The following LIPI variants were observed in gnomAD, a reference collection of about 807,000 sequenced individuals.
LIPI encodes lipase member I.
Under a neutral mutation model 50.6 loss-of-function variants are expected in LIPI, and 59 were observed. The observed-to-expected ratio is 1.16, with a 90% CI of 0.94 to 1.45. The LOEUF (loss-of-function observed/expected upper bound fraction) is 1.45, where lower values mean the gene tolerates loss of function less well. Ranked by LOEUF, LIPI falls within the 40% of genes most tolerant of loss-of-function variation. LIPI has a pLI of 0.00. For synonymous variants in LIPI, 203 were observed against 178.2 expected (o/e 1.14, Z -1.11); for missense variants, 586 against 536.3 (o/e 1.09, Z -0.92).
chr21:14,131,849 A>T (rs2017306981), intron 9 of LIPI, among the ~76,000 whole-genome samples: 1 of 152,202 alleles, frequency 6.6e-6, no homozygotes, highest in South Asian at 2.1e-4. Flanking sequence ...TGAGAAATTT[A>T]CAAAGTTTCT....
At chr21:14,124,908 T>C (rs796234878) in intron 9 of LIPI, among the ~76,000 whole-genome samples, 6 of 152,230 alleles carry the variant, frequency 3.9e-5, no homozygotes, top group African/African-American at 1.4e-4. Flanking sequence ...GGCAGGAGAA[T>C]TGCTTGAACC....
At chr21:14,167,089 C>A (rs1031581202) in intron 4 of LIPI, among the ~76,000 whole-genome samples, 9 of 152,178 alleles carry the variant, frequency 5.9e-5, no homozygotes, top group Non-Finnish European at 1.3e-4. Flanking sequence ...GGGTCCTACG[C>A]CCACGGAGTC....
In LIPI at chr21:14,178,559, T is replaced by C. The variant is rs574981539; in HGVS notation, c.643+3199A>G. 5.3e-5 allele frequency among the ~76,000 whole-genome samples: 8 copies of C among 152,320 alleles called. No homozygotes were observed. In the East Asian group the frequency reaches 1.5e-3, roughly 29 times the overall value. On this transcript the variant is annotated intron_variant, in intron 4 of 9. Coordinates refer to ENST00000681601, the MANE Select transcript of LIPI (RefSeq NM_001302998.2). ...CATTATTTTTGTCAAATATAATTGA[T>C]AAATTTATACTTACTAATTTTTTGT... is the stretch of plus-strand genomic sequence containing the variant.
At chr21:14,201,512 C>T (rs945573940) in intron 1 of LIPI, among the ~76,000 whole-genome samples, 1 of 151,950 alleles carries the variant, frequency 6.6e-6, no homozygotes, top group Admixed American at 6.6e-5. Flanking sequence ...TCATCCCTGG[C>T]ATGCAAGGCT....
intron 9 of LIPI, among the ~76,000 whole-genome samples, chr21:14,110,890 G>A (rs1009995430): frequency 5.4e-5 from 8 of 148,294 alleles, no homozygotes; most frequent in Non-Finnish European, 7.5e-5. Flanking sequence ...ATATATAGGT[G>A]ATATATATAT....
chr21:14,139,380 A>G (rs1385614961), intron 9 of LIPI, among the ~76,000 whole-genome samples: 2 of 152,218 alleles, frequency 1.3e-5, no homozygotes, highest in Middle Eastern at 6.8e-3. Flanking sequence ...ATAGCCTTCA[A>G]TTGGGTTTAA....
intron 4 of LIPI, 75 bp downstream of exon 4, chr21:14,181,683 T>C: frequency 1.3e-6 from 1 of 798,634 alleles, no homozygotes; most frequent in Non-Finnish European, 2.2e-6. Flanking sequence ...TTTCTTCTTA[T>C]GCCCTCCTCT....
chr21:14,198,335 A>G (rs1392671081), intron 1 of LIPI, among the ~76,000 whole-genome samples: 1 of 152,190 alleles, frequency 6.6e-6, no homozygotes, highest in East Asian at 1.9e-4. Flanking sequence ...AAACTGGATA[A>G]AGTGCCAAGA....
At position 14,161,778 on chromosome 21, in the gene LIPI, A is replaced by ATATAATATATACATTATTATATACTAATG. The variant is rs2018495605; in HGVS notation, c.1006+1640_1006+1641insCATTAGTATATAATAATGTATATATTATA. On this transcript the variant is annotated intron_variant, in intron 7 of 9. Coordinates refer to ENST00000681601, the MANE Select transcript of LIPI (RefSeq NM_001302998.2). ...AATATATACATTATTATATATTAATATATAATATATACATTATTATATATT... is the reference window on the plus strand; with the variant it reads ...AATATATACATTATTATATATTAATATATAATATATACATTATTATATACTAATGTATAATATATACATTATTATATATT... Among the ~76,000 whole-genome samples, 2 of 18,954 alleles carry ATATAATATATACATTATTATATACTAATG rather than the reference A, an allele frequency of 1.1e-4. 1 individual carries two copies. Among genetic ancestry groups the ATATAATATATACATTATTATATACTAATG allele is most frequent in the African/African-American group, 6.8e-4 (2 of 2,954 alleles). 12.4% of individuals were successfully genotyped at this position (18,954 alleles called of 152,430 possible).
intron 1 of LIPI, among the ~76,000 whole-genome samples, chr21:14,208,623 TGCAC>T: frequency 1.4e-5 from 1 of 69,158 alleles, no homozygotes; most frequent in South Asian, 4.2e-4. Flanking sequence ...GTTGTATTCG[TGCAC>T]GTGCACATGC....
intron 1 of LIPI, among the ~76,000 whole-genome samples, chr21:14,207,969 A>G (rs951156844): frequency 1.3e-5 from 2 of 152,214 alleles, no homozygotes; most frequent in Non-Finnish European, 2.9e-5. Context: ...CAGGACATGA[A>G]TCTGGGTCTT....
chr21:14,147,125 G>T (rs959047047), intron 8 of LIPI, among the ~76,000 whole-genome samples: 4 of 151,846 alleles, frequency 2.6e-5, no homozygotes, highest in Admixed American at 2.0e-4. Flanking sequence ...TCCTGAAGTG[G>T]GTCATGCTTC....
intron 5 of LIPI, among the ~76,000 whole-genome samples, chr21:14,165,878 G>A (rs948663853): frequency 1.2e-4 from 18 of 152,220 alleles, no homozygotes; most frequent in South Asian, 2.1e-4. Flanking sequence ...ACCAGTTGCC[G>A]TTGTGGACCT....
At chr21:14,173,155 T>C (rs888066358) in intron 4 of LIPI, among the ~76,000 whole-genome samples, 1 of 152,214 alleles carries the variant, frequency 6.6e-6, no homozygotes, top group Non-Finnish European at 1.5e-5. Context: ...TTTGTGCGAA[T>C]ACGCTCGGCG....
intron 8 of LIPI, among the ~76,000 whole-genome samples, chr21:14,148,641 C>T (rs1164101583): frequency 6.6e-6 from 1 of 152,174 alleles, no homozygotes; most frequent in Non-Finnish European, 1.5e-5. Flanking sequence ...TAAACCTATG[C>T]TACACTCCAT....
chr21:14,123,132 G>A (rs1213846429), intron 9 of LIPI, among the ~76,000 whole-genome samples: 1 of 152,200 alleles, frequency 6.6e-6, no homozygotes, highest in Non-Finnish European at 1.5e-5. Flanking sequence ...AAGGTTCAAT[G>A]TATATCCAAG....
At chr21:14,171,217 G>A (rs1302493850) in intron 4 of LIPI, among the ~76,000 whole-genome samples, 3 of 150,590 alleles carry the variant, frequency 2.0e-5, no homozygotes, top group Admixed American at 6.6e-5. Context: ...AATAAAAGAG[G>A]ATACAAACAA....
intron 9 of LIPI, among the ~76,000 whole-genome samples, chr21:14,116,098 G>A (rs1371911840): frequency 2.0e-5 from 3 of 152,106 alleles, no homozygotes; most frequent in Non-Finnish European, 4.4e-5. Flanking sequence ...GGTAGGAGTG[G>A]TGTGTGTATG....
intron 9 of LIPI, among the ~76,000 whole-genome samples, chr21:14,129,605 A>G (rs934180382): frequency 1.7e-4 from 26 of 152,124 alleles, no homozygotes; most frequent in Admixed American, 1.2e-3. Flanking sequence ...TAAAATTCTT[A>G]TGTAATATAA....
Sources: allele counts gnomAD v4.1 joint callset (sites outside exome capture counted in the v4.1 genomes callset), GRCh38; gene constraint gnomAD v4.1.1; transcripts MANE v1.5; gene names NCBI Gene and HGNC (gene_info 2026-07-23, HGNC 2026-07-21).